Variants in BMPR1A observed in about 807,000 individuals in gnomAD.
The protein encoded by BMPR1A is bone morphogenetic protein receptor type-1A.
Under a neutral mutation model 66.0 loss-of-function variants are expected in BMPR1A, and 7 were observed. The observed-to-expected ratio is 0.11, with a 90% CI of 0.06 to 0.20. BMPR1A has a LOEUF of 0.20. Ranked by LOEUF, BMPR1A falls within the 10% of genes least tolerant of loss-of-function variation. The pLI, the probability that BMPR1A is intolerant of heterozygous loss-of-function variation, is 1.00. For synonymous variants in BMPR1A, 200 were observed against 229.7 expected, an observed-to-expected ratio of 0.87 and a Z score of 1.17; for missense variants, 408 against 669.1, an observed-to-expected ratio of 0.61 and a Z score of 4.31.
chr10:86,761,926 C>A (rs1356843145), intron 1 of BMPR1A, among the ~76,000 whole-genome samples: 2 of 152,154 alleles, frequency 1.3e-5, no homozygotes, highest in African/African-American at 4.8e-5. Flanking sequence ...GTAGGGATTT[C>A]CACTTGGCAG....
chr10:86,805,377 T>TACACACATAC, intron 1 of BMPR1A, among the ~76,000 whole-genome samples: 1 of 142,984 alleles, frequency 7.0e-6, no homozygotes, highest in East Asian at 2.1e-4. Context: ...CTCCTACCTG[T>TACACACATAC]ACACACACAC....
chr10:86,899,367 C>G (rs555049596), intron 5 of BMPR1A, among the ~76,000 whole-genome samples: 58 of 152,314 alleles, frequency 3.8e-4, no homozygotes, highest in African/African-American at 1.4e-3. Context: ...TCATGACTTC[C>G]GACGTGGCTG....
chr10:86,856,055 C>CA, intron 2 of BMPR1A: 1 of 591,628 alleles, frequency 1.7e-6, no homozygotes, highest in Non-Finnish European at 3.3e-6. Flanking sequence ...TCAAAAAACT[C>CA]AGATGCTTCA....
intron 3 of BMPR1A, among the ~76,000 whole-genome samples, chr10:86,877,250 G>A (rs994692281): frequency 1.4e-5 from 2 of 144,566 alleles, no homozygotes; most frequent in Non-Finnish European, 3.0e-5. Context: ...CTCTGTCACC[G>A]AGGCTGGAGT....
intron 1 of BMPR1A, among the ~76,000 whole-genome samples, chr10:86,787,888 C>CA (rs1461261730): frequency 6.6e-6 from 1 of 151,866 alleles, no homozygotes; most frequent in Non-Finnish European, 1.5e-5. Context: ...ATCTGCCCCC[C>CA]CCCATAATCC....
intron 2 of BMPR1A, among the ~76,000 whole-genome samples, chr10:86,847,571 C>T (rs1030560191): frequency 2.0e-5 from 3 of 151,574 alleles, no homozygotes; most frequent in African/African-American, 7.3e-5. Context: ...ATATATTGGC[C>T]AGGCACGGTG....
chr10:86,839,599 A>G (rs2133115041), intron 2 of BMPR1A, among the ~76,000 whole-genome samples: 1 of 151,770 alleles, frequency 6.6e-6, no homozygotes, highest in East Asian at 1.9e-4. Flanking sequence ...TCTCAAAAAA[A>G]AAAAAAAAAA....
chr10:86,834,921 A>G (rs1842320267), intron 1 of BMPR1A, among the ~76,000 whole-genome samples: 1 of 152,066 alleles, frequency 6.6e-6, no homozygotes, highest in Non-Finnish European at 1.5e-5. Context: ...GTATTTGTAC[A>G]GTGCATGGGG....
At chr10:86,862,282 G>A (rs1201281225) in intron 2 of BMPR1A, among the ~76,000 whole-genome samples, 1 of 152,186 alleles carries the variant, frequency 6.6e-6, no homozygotes. Flanking sequence ...TTGAGTAAGT[G>A]CTTGGAAGGG....
intron 2 of BMPR1A, among the ~76,000 whole-genome samples, chr10:86,846,498 C>T (rs1376595552): frequency 1.3e-5 from 2 of 152,194 alleles, no homozygotes; most frequent in African/African-American, 4.8e-5. Context: ...CAGCGTGCCT[C>T]TTCTCCAGGC....
chr10:86,913,188 A>G (rs2133551799), intron 8 of BMPR1A, among the ~76,000 whole-genome samples: 2 of 152,056 alleles, frequency 1.3e-5, no homozygotes, highest in South Asian at 2.1e-4. Flanking sequence ...GCAGTGGCCC[A>G]GTCTTCGGCT....
chr10:86,783,706 A>G (rs1333854486), intron 1 of BMPR1A, among the ~76,000 whole-genome samples: 8 of 152,196 alleles, frequency 5.3e-5, no homozygotes, highest in Non-Finnish European at 8.8e-5. Context: ...CTCCTGCCTC[A>G]GCCTTCCGCG....
chr10:86,872,045 C>A (rs1842861032), intron 2 of BMPR1A, among the ~76,000 whole-genome samples: 1 of 152,184 alleles, frequency 6.6e-6, no homozygotes, highest in African/African-American at 2.4e-5. Flanking sequence ...ATTACAGCAG[C>A]ATTTCCCTTC....
At chr10:86,794,484 A>C (rs1010612131) in intron 1 of BMPR1A, among the ~76,000 whole-genome samples, 2 of 152,210 alleles carry the variant, frequency 1.3e-5, no homozygotes, top group Non-Finnish European at 2.9e-5. Context: ...TCAAATAAGC[A>C]AATATGTGAT....
intron 5 of BMPR1A, among the ~76,000 whole-genome samples, chr10:86,893,073 A>G (rs1843175495): frequency 6.6e-6 from 1 of 152,054 alleles, no homozygotes; most frequent in Admixed American, 6.6e-5. Flanking sequence ...GTTTTAAATC[A>G]TCCTAGGTTG....
chr10:86,923,572 T>G (rs766020535), intron 12 of BMPR1A, 22 bp from the exon 13 acceptor site: 2 of 1,614,246 alleles, frequency 1.2e-6, no homozygotes, highest in South Asian at 2.2e-5. Context: ...CTCTGCTCAC[T>G]GAACATCTCT....
chr10:86,850,882 T>C (rs1029206689), intron 2 of BMPR1A, among the ~76,000 whole-genome samples: 1 of 152,210 alleles, frequency 6.6e-6, no homozygotes, highest in African/African-American at 2.4e-5. Flanking sequence ...TTACATAAAG[T>C]AGGTGCATTG....
chr10:86,837,762 T>C lies in BMPR1A; in HGVS notation c.-267-1103T>C, dbSNP rs541113601. 4.3e-3 allele frequency among the ~76,000 whole-genome samples: 652 copies of C among 152,270 alleles called. 8 individuals carry two copies. Among genetic ancestry groups the C allele is most frequent in the African/African-American group, 0.015 (617 of 41,550 alleles). ...TAGTGCATTGAGAAGACTGAAAGGC[T>C]CCTGAATGCAGACAAAGCATTACTA... On this transcript the variant is annotated intron_variant, in intron 1 of 12. Transcript: ENST00000372037.
intron 1 of BMPR1A, among the ~76,000 whole-genome samples, chr10:86,795,435 G>A (rs1470016096): frequency 4.0e-5 from 6 of 148,990 alleles, no homozygotes; most frequent in African/African-American, 1.2e-4. Context: ...TTTTCCTAAC[G>A]CTGTAACAGT....
Sources: allele counts gnomAD v4.1 joint callset (sites outside exome capture counted in the v4.1 genomes callset), GRCh38; gene constraint gnomAD v4.1.1; transcripts MANE v1.5; gene names NCBI Gene and HGNC (gene_info 2026-07-23, HGNC 2026-07-21).